HERC2: variants seen among roughly 807,000 people sequenced by gnomAD.
HERC2 encodes E3 ubiquitin-protein ligase HERC2.
Under a neutral mutation model 537.7 loss-of-function variants are expected in HERC2, and 102 were observed. That is an observed-to-expected ratio of 0.19 (90% CI 0.16 to 0.22). The LOEUF is 0.22. HERC2 is among the 10% of genes least tolerant of loss of function. The probability of loss-of-function intolerance (pLI) is 1.00; values close to 1 mark genes in which losing one functional copy is unlikely to be tolerated. For synonymous variants in HERC2, 2,224 were observed against 2,466.2 expected (o/e 0.90, Z 2.91); for missense variants, 4,236 against 6,198.2 (o/e 0.68, Z 10.63).
At chr15:28,311,141 T>C (rs4932603) in intron 2 of HERC2, among the ~76,000 whole-genome samples, 13,780 of 118,174 alleles carry the variant, frequency 0.12, 206 homozygotes, top group East Asian at 0.44. Context: ...AGGATGACAG[T>C]AGAAGTCAAG....
chr15:28,293,706 T>C lies in HERC2; in HGVS notation c.188-684A>G, dbSNP rs537033640. 3.9e-3 allele frequency among the ~76,000 whole-genome samples: 591 copies of C among 152,222 alleles called. 4 individuals carry two copies. Among genetic ancestry groups the C allele is most frequent in the African/African-American group, 0.013 (560 of 41,524 alleles). On this transcript the variant is annotated intron_variant, in intron 3 of 92. Transcript: ENST00000261609. The stretch of plus-strand genomic sequence containing the variant: ...GGGAGGGTGTAGAACAGGAGTATGA[T>C]TCAAAAATCTTTTAACTCTTTACAA...
Position 28,245,868 on chromosome 15 carries a change from T to C in HERC2, c.3577+13A>G. On this transcript the variant is annotated intron_variant, in intron 23 of 92. Coordinates refer to ENST00000261609, the MANE Select transcript of HERC2 (RefSeq NM_004667.6). Reference sequence around the variant, plus strand: ...AAAACTTTCCTCAGTAAAACTCCTTTAAGACGCCGTACCCATTATGCCAGG... The same window carrying C: ...AAAACTTTCCTCAGTAAAACTCCTTCAAGACGCCGTACCCATTATGCCAGG... 1 of 1,609,394 alleles carries C rather than the reference T, an allele frequency of 6.2e-7. No homozygotes were observed. Among genetic ancestry groups the C allele is most frequent in the Non-Finnish European group, 8.5e-7 (1 of 1,177,816 alleles).
intron 35 of HERC2, among the ~76,000 whole-genome samples, chr15:28,222,459 T>A (rs1900621203): frequency 6.6e-6 from 1 of 152,156 alleles, no homozygotes; most frequent in Non-Finnish European, 1.5e-5. Context: ...GTAAAGCTAC[T>A]CTCTCTACTT....
rs369538662 is a variant in HERC2 at position 28,190,952 on chromosome 15, C to T, written c.8649+13G>A. On this transcript the variant is annotated intron_variant, in intron 55 of 92. Transcript: ENST00000261609. ...GTAAATCATCCAAATGGAACACTAG[C>T]ATAGCTACTTACCTCTGTGCAGTCA... is the stretch of plus-strand genomic sequence containing the variant. 20 of 1,554,334 alleles carry T rather than the reference C, an allele frequency of 1.3e-5. No individual in the cohort carries two copies. The African/African-American group carries it at 2.6e-4, about 20-fold the overall frequency.
At chr15:28,114,076 C>A (rs1447352409) in intron 90 of HERC2, among the ~76,000 whole-genome samples, 1 of 152,220 alleles carries the variant, frequency 6.6e-6, no homozygotes, top group Non-Finnish European at 1.5e-5. Flanking sequence ...GCCAGGACTA[C>A]CCCCACCAGA....
chr15:28,304,896 T>C (rs1167427371), intron 2 of HERC2, among the ~76,000 whole-genome samples: 1 of 129,198 alleles, frequency 7.7e-6, no homozygotes, highest in Non-Finnish European at 1.6e-5. Flanking sequence ...CCCCAGAGTG[T>C]GATATTCCCC....
intron 83 of HERC2, among the ~76,000 whole-genome samples, chr15:28,125,705 C>T (rs1179172704): frequency 6.6e-6 from 1 of 152,098 alleles, no homozygotes; most frequent in African/African-American, 2.4e-5. Context: ...CAGGGTCTCA[C>T]ACTCTGTTGC....
chr15:28,126,876 A>T (rs902624136), intron 83 of HERC2, among the ~76,000 whole-genome samples: 2 of 152,204 alleles, frequency 1.3e-5, no homozygotes, highest in African/African-American at 2.4e-5. Flanking sequence ...AAATAAATTT[A>T]AAAAATAACA....
At chr15:28,259,268 G>A (rs2075353283) in intron 16 of HERC2, among the ~76,000 whole-genome samples, 3 of 151,820 alleles carry the variant, frequency 2.0e-5, no homozygotes, top group Non-Finnish European at 4.4e-5. Flanking sequence ...CGAAATTTTT[G>A]TATTTTTAGT....
chr15:28,269,212 A>G, intron 11 of HERC2, 36 bp downstream of exon 11: 1 of 1,579,826 alleles, frequency 6.3e-7, no homozygotes, highest in Non-Finnish European at 8.7e-7. Flanking sequence ...CTGCCCCGCA[A>G]GGGAACACTG....
At chr15:28,219,586 G>A (rs961142245) in intron 37 of HERC2, among the ~76,000 whole-genome samples, 1 of 152,216 alleles carries the variant, frequency 6.6e-6, no homozygotes, top group African/African-American at 2.4e-5. Flanking sequence ...GAAGTGACGT[G>A]TCAAAGATGG....
Position 28,297,991 on chromosome 15 carries a change from A to T in HERC2, c.187+1411T>A, listed in dbSNP as rs556360317. ...GTGGGTCTGCAGCCACTCACTGTAC[A>T]CGTCTGTCAGTTATTGTGTGTGTGT... On this transcript the variant is annotated intron_variant, in intron 3 of 92. Coordinates refer to ENST00000261609, the MANE Select transcript of HERC2 (RefSeq NM_004667.6). 4.7e-3 allele frequency among the ~76,000 whole-genome samples: 666 copies of T among 141,786 alleles called. 4 individuals are homozygous for T. The highest frequency in any genetic ancestry group is 0.014 in the Middle Eastern group (4 of 284). The allele number at this position is 141,786 out of a possible 152,430, so 93.0% of individuals were successfully genotyped here.
At chr15:28,147,958 G>T (rs1891936085) in intron 70 of HERC2, among the ~76,000 whole-genome samples, 1 of 151,728 alleles carries the variant, frequency 6.6e-6, no homozygotes, top group African/African-American at 2.4e-5. Flanking sequence ...GACGGCTTGA[G>T]CCTGGGAGGT....
intron 44 of HERC2, among the ~76,000 whole-genome samples, chr15:28,210,431 C>T (rs1567018378): frequency 6.6e-6 from 1 of 152,166 alleles, no homozygotes; most frequent in Non-Finnish European, 1.5e-5. Flanking sequence ...CCATTGTGCC[C>T]GGCTGGTGAA....
At chr15:28,201,066 G>A (rs529851004) in intron 48 of HERC2, among the ~76,000 whole-genome samples, 1 of 148,424 alleles carries the variant, frequency 6.7e-6, no homozygotes, top group African/African-American at 2.5e-5. Flanking sequence ...GGCCACTTGT[G>A]CTCTCCGGCT....
intron 35 of HERC2, among the ~76,000 whole-genome samples, chr15:28,226,824 T>C (rs1214618815): frequency 1.3e-5 from 2 of 152,284 alleles, no homozygotes; most frequent in African/African-American, 2.4e-5. Context: ...TACCCTCAAA[T>C]GATATACCTG....
chr15:28,135,593 T>C lies in HERC2; in HGVS notation c.12115A>G (p.Ile4039Val), dbSNP rs765206957. The C allele has an allele frequency of 3.2e-5, 51 of 1,614,058 alleles. No homozygotes were observed. The highest frequency in any genetic ancestry group is 5.3e-5 in the African/African-American group (4 of 74,924). Residue 4039 changes from isoleucine (I) to valine (V), a missense_variant, in exon 79 of 93, where the codon ATT (isoleucine) becomes GTT (valine). Physicochemically the swap from Ile to Val is conservative, Grantham distance 29. Transcript: ENST00000261609. ...TLLESIQHVF[I>V]KKVAVNSGGK... is the part of the protein sequence containing the mutation. ...CCAGAGTTCACAGCTACTTTCTTAA[T>C]AAACACATGCTGAATGGATTCAAGC...
chr15:28,304,892 AGT>A (rs2141236228), intron 2 of HERC2, among the ~76,000 whole-genome samples: 1 of 122,798 alleles, frequency 8.1e-6, no homozygotes, highest in Admixed American at 8.9e-5. Flanking sequence ...CAGTCCCCAG[AGT>A]GTGATATTCC....
intron 57 of HERC2, among the ~76,000 whole-genome samples, chr15:28,180,768 A>G (rs1895748170): frequency 6.6e-6 from 1 of 152,242 alleles, no homozygotes; most frequent in South Asian, 2.1e-4. Context: ...ATATGTACAG[A>G]TATTTTTGTT....
Sources: allele counts gnomAD v4.1 joint callset (sites outside exome capture counted in the v4.1 genomes callset), GRCh38; gene constraint gnomAD v4.1.1; transcripts MANE v1.5; gene names NCBI Gene and HGNC (gene_info 2026-07-23, HGNC 2026-07-21).